The following TM7SF3 variants were observed in gnomAD, a reference collection of about 807,000 sequenced individuals.
TM7SF3 encodes the protein seven span transmembrane protein.
A neutral mutation model predicts 65.5 loss-of-function variants in TM7SF3; 60 were observed. That is an observed-to-expected ratio of 0.92 (90% CI 0.74 to 1.14). The LOEUF is 1.14. Ranked by LOEUF, TM7SF3 falls within the 50% of genes most tolerant of loss-of-function variation. The pLI is 0.00. For synonymous variants in TM7SF3, 264 were observed against 259.6 expected (o/e 1.02, Z -0.16); for missense variants, 623 against 684.8 (o/e 0.91, Z 1.01).
At position 27,008,524 on chromosome 12, in the gene TM7SF3, A is replaced by T. The variant is rs912519781; in HGVS notation, c.92-5134T>A. 1.3e-5 allele frequency among the ~76,000 whole-genome samples: 2 copies of T among 152,098 alleles called. 1 individual carries two copies. The highest frequency in any genetic ancestry group is 1.3e-4 in the Admixed American group (2 of 15,264). On this transcript the variant is annotated intron_variant, in intron 1 of 11. Transcript: ENST00000343028. ...TTAGATTAACAGTTTTCATTTTAGC[A>T]GTCAATTTCAGGTTTTTCCTTTATG...
chr12:26,998,733 T>A (rs1780222258), intron 3 of TM7SF3, among the ~76,000 whole-genome samples: 1 of 152,144 alleles, frequency 6.6e-6, no homozygotes, highest in Admixed American at 6.5e-5. Context: ...CCCTCTCCAA[T>A]CCATCCCCAC....
intron 2 of TM7SF3, among the ~76,000 whole-genome samples, chr12:27,002,527 G>A (rs1565465327): frequency 6.6e-6 from 1 of 152,062 alleles, no homozygotes; most frequent in African/African-American, 2.4e-5. Context: ...ATAGGCTTAG[G>A]ACAAATAAAA....
intron 9 of TM7SF3, chr12:26,979,370 G>A (rs1002103095): frequency 1.2e-5 from 2 of 167,644 alleles, no homozygotes; most frequent in East Asian, 1.6e-4. Flanking sequence ...CTGCCCCAGG[G>A]TGATTAAGTA....
chr12:26,998,383 G>C (rs1295282195), intron 3 of TM7SF3, among the ~76,000 whole-genome samples: 2 of 151,926 alleles, frequency 1.3e-5, no homozygotes, highest in African/African-American at 4.8e-5. Flanking sequence ...CTCCACTCCA[G>C]GCCCTTATTT....
At chr12:26,988,116 G>A (rs1047166044) in intron 6 of TM7SF3, among the ~76,000 whole-genome samples, 6 of 151,682 alleles carry the variant, frequency 4.0e-5, no homozygotes, top group Admixed American at 6.6e-5. Context: ...GAGACACATC[G>A]GTTAAATGCA....
chr12:26,999,703 G>A (rs749103796), intron 2 of TM7SF3, 27 bp from the exon 3 acceptor site: 2 of 1,612,044 alleles, frequency 1.2e-6, no homozygotes, highest in South Asian at 2.2e-5. Flanking sequence ...ACATTGTCAT[G>A]AATAGGAAGT....
chr12:26,988,155 A>AG (rs1940181703), intron 6 of TM7SF3, among the ~76,000 whole-genome samples: 2 of 151,954 alleles, frequency 1.3e-5, no homozygotes, highest in African/African-American at 4.8e-5. Context: ...AACCCTGGAC[A>AG]GGGGAAAAAA....
chr12:26,979,680 C>T, intron 9 of TM7SF3, 104 bp downstream of exon 9: 1 of 1,319,432 alleles, frequency 7.6e-7, no homozygotes, highest in South Asian at 1.4e-5. Context: ...CAGAACTCCA[C>T]AGGAGAAGCA....
intron 6 of TM7SF3, among the ~76,000 whole-genome samples, chr12:26,985,844 C>T (rs1225171348): frequency 9.4e-5 from 9 of 96,102 alleles, no homozygotes; most frequent in Admixed American, 7.9e-4. Flanking sequence ...GACAGAGTCT[C>T]GCTCTGCCGC....
At position 26,975,622 on chromosome 12, in the gene TM7SF3, A is replaced by C; in HGVS notation, c.1324T>G (p.Ser442Ala). The change falls in exon 11 of 12, where the codon TCG (serine) becomes GCG (alanine). Residue 442 changes from serine to alanine, a missense_variant. Physicochemically the swap from Ser to Ala is moderately conservative, Grantham distance 99. Coordinates refer to ENST00000343028, the MANE Select transcript of TM7SF3 (RefSeq NM_016551.3). ...ILTCGVIGSY[S>A]VVLAIDSYWS... is the part of the protein sequence containing the mutation. ...TAACTGTCAATGGCTAAAACCACCGAATAGGAGCCAATGACTCCACAAGTC... is the reference window on the plus strand; with the variant it reads ...TAACTGTCAATGGCTAAAACCACCGCATAGGAGCCAATGACTCCACAAGTC... 6 of 1,613,928 alleles carry C rather than the reference A, an allele frequency of 3.7e-6. No individual in the cohort carries two copies. In the South Asian group the frequency reaches 6.6e-5, roughly 18 times the overall value.
At position 26,972,322 on chromosome 12, in the gene TM7SF3, T is replaced by G. The variant is rs1939394210; in HGVS notation, c.*1643A>C. On this transcript the variant is annotated 3_prime_UTR_variant, in exon 12 of 12. Transcript: ENST00000343028. ...TACAAAGGCTTTGTACAGAAATTATTAAAAACTATATTTTACACTAATGCT... is the reference window on the plus strand; with the variant it reads ...TACAAAGGCTTTGTACAGAAATTATGAAAAACTATATTTTACACTAATGCT... 1 of 152,210 alleles carries G rather than the reference T, an allele frequency of 6.6e-6. No homozygotes were observed. Among genetic ancestry groups the G allele is most frequent in the South Asian group, 2.1e-4 (1 of 4,830 alleles). 9.4% of individuals were successfully genotyped at this position (152,210 alleles called of 1,614,324 possible).
intron 6 of TM7SF3, among the ~76,000 whole-genome samples, chr12:26,985,998 G>T (rs1592282955): frequency 7.0e-6 from 1 of 142,602 alleles, no homozygotes; most frequent in African/African-American, 2.6e-5. Context: ...GTTTTGTATT[G>T]TTTTTTTTTT....
chr12:26,989,883 A>G (rs1940270954), intron 6 of TM7SF3, among the ~76,000 whole-genome samples: 1 of 152,144 alleles, frequency 6.6e-6, no homozygotes, highest in African/African-American at 2.4e-5. Context: ...TTTCCCTTTC[A>G]TTCAGAATAG....
chr12:26,982,473 G>A (rs1939859447), intron 7 of TM7SF3, among the ~76,000 whole-genome samples: 1 of 152,144 alleles, frequency 6.6e-6, no homozygotes, highest in Non-Finnish European at 1.5e-5. Context: ...CACTGAGCCC[G>A]GCCCTGACAA....
At chr12:27,008,552 T>C (rs1169152612) in intron 1 of TM7SF3, among the ~76,000 whole-genome samples, 1 of 152,174 alleles carries the variant, frequency 6.6e-6, no homozygotes, top group Non-Finnish European at 1.5e-5. Flanking sequence ...CCTTTATGAT[T>C]AGTCCCTTTT....
intron 9 of TM7SF3, chr12:26,978,169 G>C (rs1402189360): frequency 2.9e-6 from 1 of 349,932 alleles, no homozygotes; most frequent in African/African-American, 2.2e-5. Flanking sequence ...TGAGCTATGA[G>C]ATAGTTCATA....
Position 26,982,859 on chromosome 12 carries a change from C to G in TM7SF3, c.869G>C (p.Gly290Ala), listed in dbSNP as rs1457145283. 6.3e-7 allele frequency: 1 copy of G among 1,589,418 alleles called. No individual in the cohort carries two copies. The highest frequency in any genetic ancestry group is 8.5e-7 in the Non-Finnish European group (1 of 1,170,684). ...EAGEGSCASLGRVSSKVFFTL... is the reference protein window; with the variant it reads ...EAGEGSCASLARVSSKVFFTL... ...GAAGAACACTTTGGAAGACACTCTTCCTAAAAAATAATGAAAATTTAGTGG... is the reference window on the plus strand; with the variant it reads ...GAAGAACACTTTGGAAGACACTCTTGCTAAAAAATAATGAAAATTTAGTGG... Residue 290 changes from glycine (G) to alanine (A), a missense_variant and splice_region_variant, in exon 7 of 12, where the codon GGA becomes GCA. By Grantham distance (60) the Gly-to-Ala change is moderately conservative. Transcript: ENST00000343028.
intron 5 of TM7SF3, among the ~76,000 whole-genome samples, chr12:26,991,785 A>G (rs1344638264): frequency 2.6e-5 from 4 of 152,216 alleles, no homozygotes; most frequent in Non-Finnish European, 1.5e-5. Context: ...ACAATTGTTA[A>G]TATTTTACAT....
chr12:26,981,818 A>G (rs1171127197), intron 7 of TM7SF3, among the ~76,000 whole-genome samples: 1 of 152,170 alleles, frequency 6.6e-6, no homozygotes, highest in Non-Finnish European at 1.5e-5. Context: ...AGCAGCCCAA[A>G]TAATTCAAAC....
Sources: gnomAD v4.1 joint callset for allele counts (sites outside exome capture counted in the v4.1 genomes callset) on GRCh38, gnomAD v4.1.1 for gene constraint, MANE v1.5 for transcripts, NCBI Gene and HGNC (gene_info 2026-07-23, HGNC 2026-07-21) for gene names.